FOCAD: variants seen among roughly 807,000 people sequenced by gnomAD.
The protein encoded by FOCAD is focadhesin, also known as KIAA1797.
FOCAD carries 198 observed loss-of-function variants against 225.6 expected under a neutral mutation model. The observed-to-expected ratio is 0.88, with a 90% CI of 0.78 to 0.99. The LOEUF is 0.99. FOCAD is among the 50% of genes least tolerant of loss of function. The pLI, the probability that FOCAD is intolerant of heterozygous loss-of-function variation, is 0.00. For synonymous variants in FOCAD, 897 were observed against 755.0 expected, an observed-to-expected ratio of 1.19 and a Z score of -3.08; for missense variants, 2,713 against 2,123.6, an observed-to-expected ratio of 1.28 and a Z score of -5.46.
At chr9:20,668,307 G>T (rs1821955040) in intron 2 of FOCAD, among the ~76,000 whole-genome samples, 1 of 152,106 alleles carries the variant, frequency 6.6e-6, no homozygotes, top group Admixed American at 6.5e-5. Context: ...GATACAAAAA[G>T]AGAAGCAAAG....
rs73647615 is a variant in FOCAD, at chr9:20,714,351, G to A, written c.-32-971G>A. Among the ~76,000 whole-genome samples, 547 of 152,190 alleles carry A rather than the reference G, an allele frequency of 3.6e-3. 4 individuals are homozygous for A. Among genetic ancestry groups the A allele is most frequent in the African/African-American group, 0.013 (520 of 41,542 alleles). On this transcript the variant is annotated intron_variant, in intron 1 of 43. Transcript: ENST00000338382. ...AAAGGCTGCTAGTTCATTACAATAT[G>A]CTTTGTTTTTTGAGATCAAGGGAAC...
chr9:20,778,206 C>G (rs1033820648), intron 8 of FOCAD, among the ~76,000 whole-genome samples: 1 of 150,118 alleles, frequency 6.7e-6, no homozygotes, highest in Non-Finnish European at 1.5e-5. Context: ...CCATATAATA[C>G]ATCATTTTGA....
At chr9:20,722,297 CCCCA>C in intron 4 of FOCAD, among the ~76,000 whole-genome samples, 1 of 152,164 alleles carries the variant, frequency 6.6e-6, no homozygotes, top group African/African-American at 2.4e-5. Context: ...TTATGTTTCC[CCCCA>C]TGAACCCTCT....
At chr9:20,793,119 G>C (rs937427474) in intron 11 of FOCAD, among the ~76,000 whole-genome samples, 1 of 152,170 alleles carries the variant, frequency 6.6e-6, no homozygotes, top group Non-Finnish European at 1.5e-5. Flanking sequence ...AAGCCAGAAT[G>C]TACAGTACTT....
intron 35 of FOCAD, among the ~76,000 whole-genome samples, chr9:20,953,531 G>C (rs1299862305): frequency 6.6e-6 from 1 of 152,098 alleles, no homozygotes. Context: ...TCTTTTCCTT[G>C]CACACATTTG....
At chr9:20,713,978 A>G (rs914544620) in intron 1 of FOCAD, among the ~76,000 whole-genome samples, 1 of 152,214 alleles carries the variant, frequency 6.6e-6, no homozygotes, top group Admixed American at 6.5e-5. Context: ...AGTGTTGTGG[A>G]ATGTCAAATT....
chr9:20,720,672 T>G, intron 4 of FOCAD, 138 bp downstream of exon 4: 1 of 808,694 alleles, frequency 1.2e-6, no homozygotes, highest in South Asian at 1.9e-5. Flanking sequence ...AGTTGCTGTT[T>G]CATATATGAA....
chr9:20,696,863 T>G (rs766600380), intron 1 of FOCAD, among the ~76,000 whole-genome samples: 5 of 152,112 alleles, frequency 3.3e-5, no homozygotes, highest in Non-Finnish European at 7.4e-5. Context: ...GAGGTGGAAT[T>G]GTTAAGAGGT....
intron 5 of FOCAD, among the ~76,000 whole-genome samples, chr9:20,743,871 G>A (rs1181298936): frequency 6.6e-6 from 1 of 152,112 alleles, no homozygotes; most frequent in African/African-American, 2.4e-5. Context: ...AGACTAGAGG[G>A]GATCTTGGGT....
chr9:20,777,841 G>T (rs941524212), intron 8 of FOCAD, among the ~76,000 whole-genome samples: 10 of 152,042 alleles, frequency 6.6e-5, no homozygotes, highest in African/African-American at 2.4e-4. Context: ...GGTGGCTCAC[G>T]CCTGTAATCC....
In FOCAD at chr9:20,874,715, A is replaced by G. The variant is rs146908112; in HGVS notation, c.2225A>G (p.Asp742Gly). ...GAAATTCCCATTCCTGAAGAGTTAGATGACGATGAAGATGTTGAGGATGTG... is the reference window on the plus strand; with the variant it reads ...GAAATTCCCATTCCTGAAGAGTTAGGTGACGATGAAGATGTTGAGGATGTG... ...RPEIPIPEEL[D>G]DDEDVEDVDL... Residue 742 changes from aspartate (D) to glycine (G), a missense_variant, in exon 19 of 44, where the codon GAT becomes GGT. Coordinates refer to ENST00000338382, the MANE Select transcript of FOCAD (RefSeq NM_001375567.1). 2 of 1,613,480 alleles carry G rather than the reference A, an allele frequency of 1.2e-6. No homozygotes were observed. Among genetic ancestry groups the G allele is most frequent in the African/African-American group, 1.3e-5 (1 of 74,872 alleles).
At chr9:20,765,942 T>C (rs1830018018) in intron 7 of FOCAD, among the ~76,000 whole-genome samples, 1 of 152,196 alleles carries the variant, frequency 6.6e-6, no homozygotes, top group African/African-American at 2.4e-5. Context: ...AGGGAGTGAC[T>C]TGAGTAAATC....
chr9:20,966,131 C>T (rs1839235419), intron 35 of FOCAD, among the ~76,000 whole-genome samples: 1 of 152,062 alleles, frequency 6.6e-6, no homozygotes, highest in Non-Finnish European at 1.5e-5. Context: ...ACAGTGGCCG[C>T]ACTGTTTTAC....
upstream of FOCAD, among the ~76,000 whole-genome samples, chr9:20,656,763 T>C (rs1197308009): frequency 6.6e-6 from 1 of 152,190 alleles, no homozygotes; most frequent in East Asian, 1.9e-4. Context: ...AATTGGAGCA[T>C]TTAGTCCATT....
At chr9:20,859,343 C>G (rs7469543) in intron 15 of FOCAD, among the ~76,000 whole-genome samples, 1 of 149,296 alleles carries the variant, frequency 6.7e-6, no homozygotes, top group East Asian at 2.0e-4. Context: ...GATTGCACCA[C>G]TGAATTCCAG....
chr9:20,973,310 C>G (rs1455174892), intron 35 of FOCAD, among the ~76,000 whole-genome samples: 3 of 151,924 alleles, frequency 2.0e-5, no homozygotes, highest in African/African-American at 4.8e-5. Context: ...TTGCCCTGTT[C>G]TGCTTCCGTC....
intron 15 of FOCAD, among the ~76,000 whole-genome samples, chr9:20,858,029 A>T (rs1828376399): frequency 7.0e-6 from 1 of 141,990 alleles, no homozygotes; most frequent in South Asian, 2.3e-4. Flanking sequence ...TATGTTTGTC[A>T]GAGATATTGG....
At chr9:20,712,740 T>C (rs1313008915) in intron 1 of FOCAD, among the ~76,000 whole-genome samples, 1 of 143,748 alleles carries the variant, frequency 7.0e-6, no homozygotes. Context: ...CTTTTTTTTT[T>C]TTTTTTTTTT....
chr9:20,992,940 T>C (rs1239805963), intron 42 of FOCAD, among the ~76,000 whole-genome samples: 1 of 151,672 alleles, frequency 6.6e-6, no homozygotes, highest in South Asian at 2.1e-4. Flanking sequence ...TCCAGCCTGG[T>C]GACAGAGCAA....
Sources: allele counts gnomAD v4.1 joint callset (sites outside exome capture counted in the v4.1 genomes callset), GRCh38; gene constraint gnomAD v4.1.1; transcripts MANE v1.5; gene names NCBI Gene and HGNC (gene_info 2026-07-23, HGNC 2026-07-21).